The following SLC26A7 variants were observed in gnomAD, a reference collection of about 807,000 sequenced individuals.
SLC26A7 encodes the protein anion exchange transporter.
A neutral mutation model predicts 82.5 loss-of-function variants in SLC26A7; 59 were observed. The ratio of observed to expected loss-of-function variants is 0.72; its 90% CI spans 0.58 to 0.89. The LOEUF is 0.89. Among genes scored for constraint, SLC26A7 ranks in the 40% least tolerant of loss-of-function variants. The pLI is 0.00. For synonymous variants in SLC26A7, 271 were observed against 274.3 expected (o/e 0.99, Z 0.12); for missense variants, 820 against 793.0 (o/e 1.03, Z -0.41).
intron 2 of SLC26A7, among the ~76,000 whole-genome samples, chr8:91,234,827 A>ACCTCCTTCCTTCCTTCCTTCCTTCCTTC (rs1386380375): frequency 1.1e-5 from 1 of 92,494 alleles, no homozygotes; most frequent in African/African-American, 4.5e-5. Flanking sequence ...CTACCTACCT[A>ACCTCCTTCCTTCCTTCCTTCCTTCCTTC]CTTCCTTCCT....
intron 7 of SLC26A7, 79 bp from the exon 8 acceptor site, chr8:91,340,325 G>T: frequency 6.5e-7 from 1 of 1,532,548 alleles, no homozygotes; most frequent in Non-Finnish European, 8.9e-7. Context: ...CAGAGTCATT[G>T]CCACAGTTAA....
rs144989855 is a variant in SLC26A7 at position 91,338,229 on chromosome 8, A to T, written c.875A>T (p.Gln292Leu). ...YGLEVVGHIP[Q>L]GIPSPRAPPM... ...TTAGAAGTAGTTGGTCATATTCCAC[A>T]AGGGTAATGTAGTCCTTTTTAAAAA... The change falls in exon 7 of 19, where the codon CAA becomes CTA. Residue 292 changes from glutamine (Q) to leucine (L), a missense_variant. By Grantham distance (113) the Gln-to-Leu change is moderately radical (BLOSUM62 -2). Coordinates refer to ENST00000276609, the MANE Select transcript of SLC26A7 (RefSeq NM_052832.4). 6.2e-7 allele frequency: 1 copy of T among 1,601,958 alleles called. No individual in the cohort carries two copies. The highest frequency in any genetic ancestry group is 1.3e-5 in the African/African-American group (1 of 74,264).
chr8:91,333,575 G>C (rs2130829832), intron 5 of SLC26A7, among the ~76,000 whole-genome samples: 1 of 152,088 alleles, frequency 6.6e-6, no homozygotes, highest in South Asian at 2.1e-4. Context: ...TCTTTGAGAA[G>C]GACCCACCCC....
At chr8:91,270,338 A>G (rs577038658) in intron 2 of SLC26A7, among the ~76,000 whole-genome samples, 30 of 152,274 alleles carry the variant, frequency 2.0e-4, no homozygotes, top group Admixed American at 1.7e-3. Flanking sequence ...CTGCACCCAA[A>G]CTAAATCACT....
At chr8:91,214,564 C>T (rs1477104932) in intron 1 of SLC26A7, among the ~76,000 whole-genome samples, 1 of 152,084 alleles carries the variant, frequency 6.6e-6, no homozygotes, top group Admixed American at 6.6e-5. Context: ...AATCTTGTCT[C>T]TACCTTGAAA....
rs868233928 is a variant in SLC26A7, at chr8:91,358,632, A to T, written c.1315-3721A>T. Among the ~76,000 whole-genome samples the T allele has an allele frequency of 3.6e-4, 55 of 152,176 alleles. 2 individuals carry two copies. Among genetic ancestry groups the T allele is most frequent in the Middle Eastern group, 3.4e-3 (1 of 294 alleles). On this transcript the variant is annotated intron_variant, in intron 11 of 18. Coordinates refer to ENST00000276609, the MANE Select transcript of SLC26A7 (RefSeq NM_052832.4). ...GGTGTGAGTCACCGCACCTGGCCGCACACATATGTTTGTTGCGGCACTACT... is the reference window on the plus strand; with the variant it reads ...GGTGTGAGTCACCGCACCTGGCCGCTCACATATGTTTGTTGCGGCACTACT...
intron 2 of SLC26A7, among the ~76,000 whole-genome samples, chr8:91,232,650 T>C (rs984059076): frequency 6.6e-6 from 1 of 151,742 alleles, no homozygotes; most frequent in Non-Finnish European, 1.5e-5. Flanking sequence ...TGGCAAGGAG[T>C]GGGGAGACTT....
chr8:91,370,403 G>T (rs1426600370), intron 15 of SLC26A7, among the ~76,000 whole-genome samples: 1 of 149,534 alleles, frequency 6.7e-6, no homozygotes, highest in Non-Finnish European at 1.5e-5. Flanking sequence ...TTAAACATTT[G>T]AACCACAAAT....
intron 2 of SLC26A7, among the ~76,000 whole-genome samples, chr8:91,223,073 A>G (rs916985488): frequency 6.6e-6 from 1 of 152,014 alleles, no homozygotes; most frequent in Non-Finnish European, 1.5e-5. Flanking sequence ...TAGGGTGTGT[A>G]TGTTCAGGAA....
intron 2 of SLC26A7, among the ~76,000 whole-genome samples, chr8:91,286,304 A>T (rs1294098027): frequency 6.6e-6 from 1 of 152,192 alleles, no homozygotes; most frequent in Non-Finnish European, 1.5e-5. Context: ...GGTGATTTTG[A>T]TATGGGAATC....
chr8:91,271,923 C>T (rs1403531444), intron 2 of SLC26A7, among the ~76,000 whole-genome samples: 5 of 152,126 alleles, frequency 3.3e-5, no homozygotes, highest in South Asian at 4.1e-4. Flanking sequence ...TAGTCCTTCA[C>T]AAAAACACTG....
intron 5 of SLC26A7, among the ~76,000 whole-genome samples, chr8:91,333,885 TTCTA>T (rs1417130956): frequency 1.3e-5 from 2 of 152,182 alleles, no homozygotes; most frequent in Admixed American, 6.6e-5. Flanking sequence ...TTTGTGTGTG[TTCTA>T]TCTGTGTTCT....
At chr8:91,334,193 A>G (rs1813174844) in intron 5 of SLC26A7, 102 bp from the exon 6 acceptor site, 1 of 1,101,976 alleles carries the variant, frequency 9.1e-7, no homozygotes, top group Admixed American at 2.4e-5. Context: ...AGCCATTAAG[A>G]TAGTTTTATA....
chr8:91,245,462 A>G (rs914907838), upstream of SLC26A7, among the ~76,000 whole-genome samples: 1 of 152,152 alleles, frequency 6.6e-6, no homozygotes, highest in Non-Finnish European at 1.5e-5. Context: ...CATGCCAGCT[A>G]TGTGGCTTGG....
intron 4 of SLC26A7, among the ~76,000 whole-genome samples, chr8:91,308,359 T>C (rs1333477532): frequency 6.6e-6 from 1 of 152,060 alleles, no homozygotes; most frequent in African/African-American, 2.4e-5. Context: ...TTCAGTAGCA[T>C]TGAATACATT....
chr8:91,253,297 C>T (rs1810709402), intron 2 of SLC26A7, among the ~76,000 whole-genome samples: 1 of 152,068 alleles, frequency 6.6e-6, no homozygotes, highest in African/African-American at 2.4e-5. Context: ...ACATCATTCT[C>T]AACTCTTTCC....
At chr8:91,371,613 A>G (rs1292897727) in intron 15 of SLC26A7, among the ~76,000 whole-genome samples, 2 of 151,876 alleles carry the variant, frequency 1.3e-5, no homozygotes, top group African/African-American at 4.8e-5. Flanking sequence ...TCGTGTATAT[A>G]TAGTACATTT....
At chr8:91,350,253 A>G (rs543761536) in intron 9 of SLC26A7, among the ~76,000 whole-genome samples, 3 of 152,148 alleles carry the variant, frequency 2.0e-5, no homozygotes, top group African/African-American at 7.2e-5. Flanking sequence ...TTCTTCCCAT[A>G]TACACACACC....
intron 3 of SLC26A7, among the ~76,000 whole-genome samples, chr8:91,293,882 C>T (rs557937690): frequency 3.9e-5 from 6 of 152,248 alleles, no homozygotes; most frequent in African/African-American, 1.4e-4. Flanking sequence ...TGTAATATAA[C>T]CTCGGAAATA....
Sources: gnomAD v4.1 joint callset for allele counts (sites outside exome capture counted in the v4.1 genomes callset) on GRCh38, gnomAD v4.1.1 for gene constraint, MANE v1.5 for transcripts, NCBI Gene and HGNC (gene_info 2026-07-23, HGNC 2026-07-21) for gene names.